TSPEAR: variants seen among roughly 807,000 people sequenced by gnomAD.
TSPEAR encodes thrombospondin-type laminin G domain and EAR repeat-containing protein.
Under a neutral mutation model 71.6 loss-of-function variants are expected in TSPEAR, and 69 were observed. The ratio of observed to expected loss-of-function variants is 0.96; its 90% CI spans 0.79 to 1.18. The LOEUF (loss-of-function observed/expected upper bound fraction) is 1.18, where lower values mean the gene tolerates loss of function less well. Ranked by LOEUF, TSPEAR falls within the 50% of genes most tolerant of loss-of-function variation. The probability of loss-of-function intolerance (pLI) is 0.00; values close to 1 mark genes in which losing one functional copy is unlikely to be tolerated. For synonymous variants in TSPEAR, 402 were observed against 387.2 expected, an observed-to-expected ratio of 1.04 and a Z score of -0.45; for missense variants, 971 against 894.9, an observed-to-expected ratio of 1.09 and a Z score of -1.09.
At chr21:44,592,631 T>A in intron 1 of TSPEAR, 1 of 1,283,442 alleles carries the variant, frequency 7.8e-7, no homozygotes. Flanking sequence ...GGATTAGGGG[T>A]GTTTGTTCGC....
intron 1 of TSPEAR, among the ~76,000 whole-genome samples, chr21:44,614,954 G>T (rs1173450254): frequency 1.3e-5 from 2 of 152,206 alleles, no homozygotes. Flanking sequence ...CTGCCGACAG[G>T]AACCCCAGGC....
chr21:44,597,612 A>G (rs1052879921), intron 1 of TSPEAR, among the ~76,000 whole-genome samples: 3 of 151,768 alleles, frequency 2.0e-5, no homozygotes, highest in African/African-American at 7.3e-5. Context: ...TTGTATTTTT[A>G]GTAGAGACAG....
chr21:44,562,566 T>A (rs900244005), intron 2 of TSPEAR, among the ~76,000 whole-genome samples: 1 of 152,004 alleles, frequency 6.6e-6, no homozygotes, highest in Non-Finnish European at 1.5e-5. Flanking sequence ...CAAACAGACA[T>A]ATCATAGTAA....
In TSPEAR at chr21:44,504,954, A is replaced by G. The variant is rs1316655601; in HGVS notation, c.1755-73T>C. On this transcript the variant is annotated intron_variant, in intron 10 of 11. Coordinates refer to ENST00000323084, the MANE Select transcript of TSPEAR (RefSeq NM_144991.3). ...GGAACTGGGGGATTGGCCAGAAGCT[A>G]CCTCCAAAATTTATAGAGGAGGAGC... 32 of 1,255,116 alleles carry G rather than the reference A, an allele frequency of 2.5e-5. No homozygotes were observed. In the South Asian group the frequency reaches 3.5e-4, roughly 14 times the overall value. 77.7% of individuals were successfully genotyped at this position (1,255,116 alleles called of 1,614,324 possible). A position where few individuals can be genotyped will look rare whatever the true frequency, so the allele number is the denominator to read the frequency against.
At chr21:44,658,321 A>T (rs1252990740) in intron 1 of TSPEAR, 6 of 1,558,636 alleles carry the variant, frequency 3.8e-6, no homozygotes, top group Non-Finnish European at 5.3e-6. Flanking sequence ...TCCGTGAATA[A>T]GCATCTGGTG....
chr21:44,612,541 G>A lies in TSPEAR; in HGVS notation c.83-44536C>T. On this transcript the variant is annotated intron_variant, in intron 1 of 11. Transcript: ENST00000323084. The surrounding 1 kb of genome is among the most constrained non-coding windows in gnomAD (Gnocchi z 4.1). ...CTGGAGCTTCCTCCCCATGCTGCCA[G>A]CAGTCTAGCTGCCAGTCAGCTTGCT... is the stretch of plus-strand genomic sequence containing the variant. 3 of 1,613,608 alleles carry A rather than the reference G, an allele frequency of 1.9e-6. No homozygotes were observed. Among genetic ancestry groups the A allele is most frequent in the Middle Eastern group, 1.6e-4 (1 of 6,062 alleles).
In TSPEAR at chr21:44,612,613, CAAGCCCATCTGCTGT is replaced by C. The variant is rs1981780567; in HGVS notation, c.83-44623_83-44609del. ...AGGCCTGCTGTGTGCCCATCTGCTG[CAAGCCCATCTGCTGT>C]GTGCCTGTCTGCTCTGGGGCTTCCT... is the stretch of plus-strand genomic sequence containing the variant. On this transcript the variant is annotated intron_variant, in intron 1 of 11. Coordinates refer to ENST00000323084, the MANE Select transcript of TSPEAR (RefSeq NM_144991.3). The surrounding 1 kb of genome is among the most constrained non-coding windows in gnomAD (Gnocchi z 4.1). 3 of 1,614,106 alleles carry C rather than the reference CAAGCCCATCTGCTGT, an allele frequency of 1.9e-6. No individual in the cohort carries two copies. Among genetic ancestry groups the C allele is most frequent in the Non-Finnish European group, 2.5e-6 (3 of 1,179,994 alleles).
chr21:44,521,750 G>A, intron 9 of TSPEAR, 133 bp downstream of exon 9: 1 of 818,836 alleles, frequency 1.2e-6, no homozygotes, highest in Non-Finnish European at 1.9e-6. Context: ...CCTGGGTTTT[G>A]GGGTCACGGG....
intron 1 of TSPEAR, chr21:44,627,314 C>A (rs782691600): frequency 1.4e-5 from 22 of 1,612,772 alleles, no homozygotes; most frequent in East Asian, 2.2e-5. Flanking sequence ...CTGGTCTGCA[C>A]CCCAGTGAGC....
chr21:44,633,586 A>G (rs1407187020), intron 1 of TSPEAR, among the ~76,000 whole-genome samples: 1 of 152,204 alleles, frequency 6.6e-6, no homozygotes, highest in Non-Finnish European at 1.5e-5. Context: ...TGGTCAGAGA[A>G]GATACATTAT....
intron 1 of TSPEAR, among the ~76,000 whole-genome samples, chr21:44,613,327 A>G (rs1981848736): frequency 1.3e-5 from 2 of 152,068 alleles, no homozygotes; most frequent in African/African-American, 2.4e-5. Flanking sequence ...CAGTGGCCTA[A>G]CTCCTCCAGG....
intron 1 of TSPEAR, chr21:44,681,617 G>A (rs1224677027): frequency 5.4e-6 from 3 of 557,164 alleles, no homozygotes; most frequent in Non-Finnish European, 9.3e-6. Flanking sequence ...CATGGGGTCA[G>A]AGAATGACTC....
At chr21:44,552,587 G>A (rs964730766) in intron 2 of TSPEAR, among the ~76,000 whole-genome samples, 167 of 152,140 alleles carry the variant, frequency 1.1e-3, no homozygotes, top group Admixed American at 1.4e-3. Context: ...TGTCCTACAG[G>A]GCCAGTCAAA....
intron 2 of TSPEAR, among the ~76,000 whole-genome samples, chr21:44,535,896 CAAAAA>C (rs10712664): frequency 2.2e-5 from 3 of 136,870 alleles, no homozygotes; most frequent in Non-Finnish European, 4.7e-5. Context: ...CTATGTTTAT[CAAAAA>C]AAAAAAAAGG....
In TSPEAR at chr21:44,579,826, G is replaced by A. The variant is rs782646105; in HGVS notation, c.83-11821C>T. On this transcript the variant is annotated intron_variant, in intron 1 of 11. Transcript: ENST00000323084. ...GGGACACGCAGGAGGCCGGGCGGCA[G>A]CAGCTGGCCTGGTAGGAGGAGGCAG... 1.1e-5 allele frequency: 18 copies of A among 1,610,076 alleles called. No homozygotes were observed. The Admixed American group carries it at 2.7e-4, about 24-fold the overall frequency.
At chr21:44,517,305 C>G in intron 9 of TSPEAR, 1 of 158,658 alleles carries the variant, frequency 6.3e-6, no homozygotes, top group East Asian at 1.9e-4. Flanking sequence ...GCCAGTGCAC[C>G]CCCCAGGAAC....
intron 1 of TSPEAR, among the ~76,000 whole-genome samples, chr21:44,683,447 C>T (rs1986708500): frequency 6.6e-6 from 1 of 152,088 alleles, no homozygotes; most frequent in South Asian, 2.1e-4. Flanking sequence ...GGGAAGATTG[C>T]TTGAGGCTAG....
chr21:44,629,149 T>C (rs1983099748), intron 1 of TSPEAR, among the ~76,000 whole-genome samples: 1 of 152,142 alleles, frequency 6.6e-6, no homozygotes, highest in Non-Finnish European at 1.5e-5. Context: ...GACCCGGGGC[T>C]GCGATGCCGC....
chr21:44,629,143 C>G (rs11911548), intron 1 of TSPEAR, among the ~76,000 whole-genome samples: 7 of 152,134 alleles, frequency 4.6e-5, no homozygotes, highest in Non-Finnish European at 8.8e-5. Context: ...ACTGGTGACC[C>G]GGGGCTGCGA....
Sources: gnomAD v4.1 joint callset for allele counts (sites outside exome capture counted in the v4.1 genomes callset) on GRCh38, gnomAD v4.1.1 for gene constraint, Gnocchi (gnomAD v3.1) non-coding constraint, MANE v1.5 for transcripts, NCBI Gene and HGNC (gene_info 2026-07-23, HGNC 2026-07-21) for gene names.